The following GLI3 variants were observed in gnomAD, a reference collection of about 807,000 sequenced individuals.
The protein encoded by GLI3 is transcription activator GLI3.
Under a neutral mutation model 100.8 loss-of-function variants are expected in GLI3, and 20 were observed. That is an observed-to-expected ratio of 0.20 (90% CI 0.14 to 0.29). The LOEUF (loss-of-function observed/expected upper bound fraction) is 0.29. GLI3 is among the 10% of genes least tolerant of loss of function. The pLI is 1.00. For missense variants in GLI3, 2,040 were observed against 2,128.5 expected, an observed-to-expected ratio of 0.96 and a Z score of 0.82; for synonymous variants, 938 against 860.5, an observed-to-expected ratio of 1.09 and a Z score of -1.58.
chr7:42,182,674 ATATATATACACATGTGTG>A (rs1197841273), intron 2 of GLI3, among the ~76,000 whole-genome samples: 16 of 60,668 alleles, frequency 2.6e-4, no homozygotes, highest in Admixed American at 1.4e-3. Flanking sequence ...ATATATATAT[ATATATATACACATGTGTG>A]TATATATATA....
intron 2 of GLI3, among the ~76,000 whole-genome samples, chr7:42,178,357 T>C (rs1313403157): frequency 6.6e-6 from 1 of 152,138 alleles, no homozygotes; most frequent in African/African-American, 2.4e-5. Flanking sequence ...CCATAGTCAT[T>C]GTAAAAGCTC....
At chr7:42,254,251 A>G (rs1789063115) in intron 1 of GLI3, among the ~76,000 whole-genome samples, 1 of 150,602 alleles carries the variant, frequency 6.6e-6, no homozygotes, top group South Asian at 2.1e-4. Context: ...AATAGAGGAT[A>G]TCGCCTTGGG....
At chr7:42,142,462 C>T (rs1478404020) in intron 3 of GLI3, among the ~76,000 whole-genome samples, 1 of 152,110 alleles carries the variant, frequency 6.6e-6, no homozygotes, top group Non-Finnish European at 1.5e-5. Context: ...CAAGCTTCTC[C>T]CAGTCTCCTT....
chr7:42,223,386 A>C, intron 1 of GLI3, 91 bp from the exon 2 acceptor site: 3 of 722,132 alleles, frequency 4.2e-6, no homozygotes. Flanking sequence ...ATCTGAGAAA[A>C]GCCTAGAGCT....
intron 3 of GLI3, among the ~76,000 whole-genome samples, chr7:42,139,956 G>T (rs780666284): frequency 1.3e-4 from 20 of 152,172 alleles, no homozygotes; most frequent in South Asian, 6.2e-4. Flanking sequence ...GAAACAAACA[G>T]CTCCTCACAG....
intron 2 of GLI3, chr7:42,172,629 G>A: frequency 1.4e-6 from 1 of 703,010 alleles, no homozygotes; most frequent in Non-Finnish European, 2.6e-6. Flanking sequence ...GGGATGGACA[G>A]CGCGGATGCA....
chr7:42,194,864 T>G (rs1787897060), intron 2 of GLI3, among the ~76,000 whole-genome samples: 2 of 150,198 alleles, frequency 1.3e-5, no homozygotes, highest in Non-Finnish European at 3.0e-5. Flanking sequence ...TCTCCCAGGT[T>G]CAAGCGATTC....
Position 42,212,052 on chromosome 7 carries a change from T to C in GLI3, c.124+11078A>G, listed in dbSNP as rs186809186. ...CCTACTCTAGGTGGATGTAAGCCAA[T>C]GGTTACAGTCGTGAGCAGTTCCAGA... On this transcript the variant is annotated intron_variant, in intron 2 of 14. Coordinates refer to ENST00000395925, the MANE Select transcript of GLI3 (RefSeq NM_000168.6). 5.1e-4 allele frequency among the ~76,000 whole-genome samples: 77 copies of C among 152,380 alleles called. 1 individual carries two copies. Among genetic ancestry groups the C allele is most frequent in the Admixed American group, 2.8e-3 (43 of 15,306 alleles).
intron 2 of GLI3, among the ~76,000 whole-genome samples, chr7:42,169,092 A>G (rs1216091415): frequency 1.3e-5 from 2 of 152,174 alleles, no homozygotes; most frequent in Non-Finnish European, 2.9e-5. Flanking sequence ...GTCCTTTTCT[A>G]CATGCATATT....
chr7:42,156,562 C>T (rs1787008718), intron 2 of GLI3, among the ~76,000 whole-genome samples: 2 of 152,164 alleles, frequency 1.3e-5, no homozygotes, highest in Admixed American at 1.3e-4. Flanking sequence ...AGTTAAGATT[C>T]CATAACGAGA....
At chr7:42,164,318 C>G (rs912159523) in intron 2 of GLI3, among the ~76,000 whole-genome samples, 1 of 151,222 alleles carries the variant, frequency 6.6e-6, no homozygotes, top group Non-Finnish European at 1.5e-5. Flanking sequence ...CCCAGGAATT[C>G]GAGAACAACT....
At chr7:42,130,621 A>G (rs1181463709) in intron 3 of GLI3, among the ~76,000 whole-genome samples, 1 of 152,200 alleles carries the variant, frequency 6.6e-6, no homozygotes, top group Admixed American at 6.5e-5. Flanking sequence ...AGAAAAGAGA[A>G]GAGACACACA....
chr7:42,112,484 T>C (rs1331336140), intron 3 of GLI3, among the ~76,000 whole-genome samples: 1 of 152,124 alleles, frequency 6.6e-6, no homozygotes, highest in Non-Finnish European at 1.5e-5. Flanking sequence ...AATTAGAATG[T>C]TCCTAACACA....
chr7:42,246,606 A>G (rs1788974767), intron 1 of GLI3, among the ~76,000 whole-genome samples: 1 of 140,056 alleles, frequency 7.1e-6, no homozygotes, highest in East Asian at 2.2e-4. Context: ...AGAACTGTAC[A>G]TACAGAAAAA....
At chr7:42,002,324 A>T (rs1392565165) in intron 10 of GLI3, among the ~76,000 whole-genome samples, 1 of 152,240 alleles carries the variant, frequency 6.6e-6, no homozygotes, top group African/African-American at 2.4e-5. Context: ...AAAAGTTTAA[A>T]TAGCGACAAC....
At position 42,048,665 on chromosome 7, in the gene GLI3, G is replaced by A; in HGVS notation, c.505C>T (p.Pro169Ser). The A allele has an allele frequency of 6.2e-7, 1 of 1,610,098 alleles. No homozygotes were observed. The highest frequency in any genetic ancestry group is 8.5e-7 in the Non-Finnish European group (1 of 1,179,186). The change falls in exon 5 of 15, where the codon CCG (proline) becomes TCG (serine). Residue 169 changes from proline to serine, a missense_variant. Pro to Ser is a moderately conservative substitution (Grantham distance 74). Transcript: ENST00000395925. Reference sequence around the variant, plus strand: ...GAGATCCTAATGAAGGGCAGGTCCGGATACGTAGGGCTACTAGATAAGGCG... The same window carrying A: ...GAGATCCTAATGAAGGGCAGGTCCGAATACGTAGGGCTACTAGATAAGGCG... The part of the protein sequence containing the change: ...TSALSSSPTY[P>S]DLPFIRISPH...
At chr7:42,067,001 C>T (rs7799542) in intron 4 of GLI3, among the ~76,000 whole-genome samples, 26 of 151,930 alleles carry the variant, frequency 1.7e-4, no homozygotes, top group Non-Finnish European at 3.2e-4. Flanking sequence ...GAGTGCTGTA[C>T]GGGTACATAC....
At chr7:42,179,588 A>C (rs1787550285) in intron 2 of GLI3, among the ~76,000 whole-genome samples, 2 of 152,170 alleles carry the variant, frequency 1.3e-5, no homozygotes, top group Non-Finnish European at 2.9e-5. Flanking sequence ...GAAAGAGCTG[A>C]TGGTGGCTCC....
intron 7 of GLI3, among the ~76,000 whole-genome samples, chr7:42,037,150 T>A (rs560538310): frequency 6.2e-4 from 92 of 149,452 alleles, no homozygotes; most frequent in East Asian, 3.7e-3. Context: ...CAAAAAAAAA[T>A]AATAATAATA....
Sources: gnomAD v4.1 joint callset for allele counts (sites outside exome capture counted in the v4.1 genomes callset) on GRCh38, gnomAD v4.1.1 for gene constraint, MANE v1.5 for transcripts, NCBI Gene and HGNC (gene_info 2026-07-23, HGNC 2026-07-21) for gene names.